FER1L6: variants seen among roughly 807,000 people sequenced by gnomAD.
FER1L6 encodes fer-1-like protein 6.
FER1L6 carries 177 observed loss-of-function variants against 219.2 expected under a neutral mutation model. The ratio of observed to expected loss-of-function variants is 0.81; its 90% CI spans 0.71 to 0.91. The LOEUF (loss-of-function observed/expected upper bound fraction) is 0.91. Ranked by LOEUF, FER1L6 falls within the 40% of genes least tolerant of loss-of-function variation. The pLI is 0.00. For missense variants in FER1L6, 2,153 were observed against 2,259.9 expected (o/e 0.95, Z 0.96); for synonymous variants, 768 against 824.3 (o/e 0.93, Z 1.17).
At chr8:124,042,780 G>C (rs1231699528) in intron 20 of FER1L6, among the ~76,000 whole-genome samples, 1 of 152,182 alleles carries the variant, frequency 6.6e-6, no homozygotes, top group African/African-American at 2.4e-5. Context: ...GCCTCCGAAG[G>C]CTGTTCCTGA....
chr8:123,907,720 C>A (rs888176955), intron 1 of FER1L6, among the ~76,000 whole-genome samples: 6 of 148,226 alleles, frequency 4.0e-5, no homozygotes, highest in Non-Finnish European at 1.5e-5. Context: ...TTCAGGGAAG[C>A]TCTCTGGGTT....
chr8:124,052,542 T>G (rs1441484440), intron 22 of FER1L6, among the ~76,000 whole-genome samples: 2 of 152,088 alleles, frequency 1.3e-5, no homozygotes, highest in Non-Finnish European at 2.9e-5. Context: ...TCCCAGCACT[T>G]TGGGAGGCCG....
At chr8:123,924,604 C>T (rs1813493884) in intron 1 of FER1L6, among the ~76,000 whole-genome samples, 1 of 152,186 alleles carries the variant, frequency 6.6e-6, no homozygotes, top group Non-Finnish European at 1.5e-5. Flanking sequence ...AATCAGGGCA[C>T]ACTCTGTCTG....
intron 22 of FER1L6, among the ~76,000 whole-genome samples, chr8:124,054,486 C>T (rs72714700): frequency 0.028 from 4,304 of 152,224 alleles, 76 homozygotes; most frequent in Non-Finnish European, 0.043. Context: ...GACCACAAAA[C>T]ATTTTTTCAC....
At chr8:123,995,393 C>T (rs1817083636) in intron 12 of FER1L6, among the ~76,000 whole-genome samples, 1 of 152,126 alleles carries the variant, frequency 6.6e-6, no homozygotes. Flanking sequence ...CTTTATGATT[C>T]AATCTTGGTA....
Position 124,028,888 on chromosome 8 carries a change from T to C in FER1L6, c.2286+5292T>C, listed in dbSNP as rs182413501. 3.9e-5 allele frequency among the ~76,000 whole-genome samples: 6 copies of C among 152,356 alleles called. No individual in the cohort carries two copies. The East Asian group carries it at 9.6e-4, about 24-fold the overall frequency. ...GCACCTATCAACCTGTCATCTAGGT[T>C]TTAAGCCTTGCATGTATTAGGTATT... On this transcript the variant is annotated intron_variant, in intron 18 of 40. Transcript: ENST00000522917.
At position 124,078,708 on chromosome 8, in the gene FER1L6, G is replaced by T. The variant is rs58372472; in HGVS notation, c.4220+2383G>T. Among the ~76,000 whole-genome samples the T allele has an allele frequency of 2.0e-5, 3 of 151,868 alleles. No homozygotes were observed. The South Asian group carries it at 6.2e-4, about 32-fold the overall frequency. ...TGAAGACCCTGGGAAGGCATCCCAG[G>T]TGGGATGGGATGGGTGGGAAGGGAT... On this transcript the variant is annotated intron_variant, in intron 32 of 40. Coordinates refer to ENST00000522917, the MANE Select transcript of FER1L6 (RefSeq NM_001039112.2).
chr8:123,866,938 T>C (rs971632873), intron 1 of FER1L6, among the ~76,000 whole-genome samples: 5 of 152,224 alleles, frequency 3.3e-5, no homozygotes, highest in Non-Finnish European at 7.3e-5. Context: ...GTTTTTATGC[T>C]ATTGAATTGA....
intron 6 of FER1L6, among the ~76,000 whole-genome samples, chr8:123,972,407 G>A (rs1203971199): frequency 6.6e-6 from 1 of 152,222 alleles, no homozygotes; most frequent in Non-Finnish European, 1.5e-5. Context: ...ATGACAGGAG[G>A]AAACTGTCCT....
intron 39 of FER1L6, among the ~76,000 whole-genome samples, chr8:124,117,195 C>A (rs1017410981): frequency 6.6e-6 from 1 of 152,148 alleles, no homozygotes; most frequent in Non-Finnish European, 1.5e-5. Flanking sequence ...GCCTGTGTGA[C>A]CTTGGAAAAG....
chr8:123,950,932 CATAA>C (rs528047702), intron 1 of FER1L6, among the ~76,000 whole-genome samples: 291 of 152,232 alleles, frequency 1.9e-3, no homozygotes, highest in African/African-American at 6.7e-3. Flanking sequence ...TAATCCTGTG[CATAA>C]ATAGAGAAGG....
At chr8:123,990,610 C>T (rs1272028896) in intron 12 of FER1L6, among the ~76,000 whole-genome samples, 1 of 152,092 alleles carries the variant, frequency 6.6e-6, no homozygotes, top group African/African-American at 2.4e-5. Context: ...TCCTGGTATT[C>T]TGGATATTAG....
At position 124,091,539 on chromosome 8, in the gene FER1L6, A is replaced by C; in HGVS notation, c.4508A>C (p.Asn1503Thr). The change falls in exon 34 of 41, where the codon AAC (asparagine) becomes ACC (threonine). Residue 1503 changes from asparagine to threonine, a missense_variant. Transcript: ENST00000522917. Reference protein sequence around the residue: ...YFHPGKIQIGNQVFSGKTIFT... With the variant: ...YFHPGKIQIGTQVFSGKTIFT... ...CACCCTGGGAAAATACAGATAGGAA[A>C]CCAAGTCTTTTCTGGAAAAACTATC... 6.2e-7 allele frequency: 1 copy of C among 1,614,138 alleles called. No individual in the cohort carries two copies. The highest frequency in any genetic ancestry group is 8.5e-7 in the Non-Finnish European group (1 of 1,179,952).
chr8:124,018,575 G>T (rs1298770530), intron 16 of FER1L6, among the ~76,000 whole-genome samples: 3 of 152,158 alleles, frequency 2.0e-5, no homozygotes, highest in Non-Finnish European at 4.4e-5. Context: ...TGGCTGAAGT[G>T]CTATCTCTGC....
Position 124,097,861 on chromosome 8 carries a change from T to C in FER1L6, c.4861T>C (p.Ser1621Pro), listed in dbSNP as rs1471081075. ...TGAGAATATCTTCACAGGCCAAAAATCAAGTGATATTTATGTGAAAGGGTA... is the reference window on the plus strand; with the variant it reads ...TGAGAATATCTTCACAGGCCAAAAACCAAGTGATATTTATGTGAAAGGGTA... The part of the protein sequence containing the change: ...EDENIFTGQK[S>P]SDIYVKGWLK... The change falls in exon 37 of 41, where the codon TCA becomes CCA. Residue 1621 changes from serine (S) to proline (P), a missense_variant. Transcript: ENST00000522917. The C allele has an allele frequency of 1.3e-6, 2 of 1,586,066 alleles. No homozygotes were observed. Among genetic ancestry groups the C allele is most frequent in the Non-Finnish European group, 1.7e-6 (2 of 1,154,562 alleles).
At position 124,064,046 on chromosome 8, in the gene FER1L6, C is replaced by A. The variant is rs371385510; in HGVS notation, c.3329-301C>A. On this transcript the variant is annotated intron_variant, in intron 25 of 40. Transcript: ENST00000522917. ...CTAGACACAGAATCTGCACCCTAAA[C>A]CTTGATTTTCATAATCCCAATGACC... 5.3e-5 allele frequency among the ~76,000 whole-genome samples: 8 copies of A among 152,270 alleles called. No homozygotes were observed. In the East Asian group the frequency reaches 5.8e-4, roughly 11 times the overall value.
At chr8:123,971,479 G>C (rs1448254544) in intron 6 of FER1L6, among the ~76,000 whole-genome samples, 1 of 152,208 alleles carries the variant, frequency 6.6e-6, no homozygotes, top group East Asian at 1.9e-4. Context: ...TTAATCACTA[G>C]ATTTTTATAT....
At chr8:124,027,354 A>G (rs1330534488) in intron 18 of FER1L6, among the ~76,000 whole-genome samples, 1 of 152,160 alleles carries the variant, frequency 6.6e-6, no homozygotes, top group Non-Finnish European at 1.5e-5. Context: ...CCTATTTTTC[A>G]TTCATTAAAT....
intron 15 of FER1L6, 74 bp downstream of exon 15, chr8:124,013,605 C>T (rs1206111461): frequency 6.0e-6 from 6 of 1,007,054 alleles, no homozygotes; most frequent in Admixed American, 5.5e-5. Context: ...TTGAGAAAGT[C>T]GTCGATTTCA....
Sources: gnomAD v4.1 joint callset for allele counts (sites outside exome capture counted in the v4.1 genomes callset) on GRCh38, gnomAD v4.1.1 for gene constraint, MANE v1.5 for transcripts, NCBI Gene and HGNC (gene_info 2026-07-23, HGNC 2026-07-21) for gene names.